The following NEDD9 variants were observed in gnomAD, a reference collection of about 807,000 sequenced individuals.
NEDD9 encodes the protein enhancer of filamentation 1.
Under a neutral mutation model 76.6 loss-of-function variants are expected in NEDD9, and 26 were observed. That is an observed-to-expected ratio of 0.34 (90% CI 0.25 to 0.47). The LOEUF is 0.47. Ranked by LOEUF, NEDD9 falls within the 20% of genes least tolerant of loss-of-function variation. NEDD9 has a pLI of 1.00. For synonymous variants in NEDD9, 392 were observed against 414.2 expected (o/e 0.95, Z 0.65); for missense variants, 937 against 1,058.5 (o/e 0.89, Z 1.59).
intron 1 of NEDD9, among the ~76,000 whole-genome samples, chr6:11,365,467 A>T (rs1762743726): frequency 1.3e-5 from 2 of 152,158 alleles, no homozygotes; most frequent in Non-Finnish European, 2.9e-5. Flanking sequence ...TTCACCCTAC[A>T]CTCCTTGAAA....
chr6:11,377,021 T>C (rs889371943), intron 1 of NEDD9, among the ~76,000 whole-genome samples: 1 of 152,140 alleles, frequency 6.6e-6, no homozygotes, highest in Non-Finnish European at 1.5e-5. Context: ...GATTGCCACA[T>C]GGGGTTAAGT....
intron 1 of NEDD9, among the ~76,000 whole-genome samples, chr6:11,357,909 A>G (rs1173723646): frequency 1.3e-5 from 2 of 152,060 alleles, no homozygotes; most frequent in Admixed American, 1.3e-4. Context: ...CCTTTCTTCC[A>G]CCCAGGCAGT....
intron 3 of NEDD9, among the ~76,000 whole-genome samples, chr6:11,243,351 A>G (rs1759745045): frequency 6.6e-6 from 1 of 151,754 alleles, no homozygotes; most frequent in Non-Finnish European, 1.5e-5. Flanking sequence ...GATGATGATC[A>G]TGATGATAAT....
intron 2 of NEDD9, among the ~76,000 whole-genome samples, chr6:11,331,557 A>G (rs962587558): frequency 2.0e-5 from 3 of 152,180 alleles, no homozygotes; most frequent in Non-Finnish European, 4.4e-5. Flanking sequence ...TTTAAATGTA[A>G]AATGACAGTT....
chr6:11,202,784 A>G (rs1168853512), intron 2 of NEDD9, among the ~76,000 whole-genome samples: 1 of 152,220 alleles, frequency 6.6e-6, no homozygotes, highest in East Asian at 1.9e-4. Flanking sequence ...TTTTTTCCCC[A>G]TGTATTTTTG....
Position 11,185,658 on chromosome 6 carries a change from T to C in NEDD9, c.2009A>G (p.Gln670Arg). ...QLEHHQLSQF[Q>R]LLEQEITKPV... ...CTTTGTAATCTCTTGTTCCAACAGC[T>C]GGAACTGGCTCAGCTGCAAGGAAGA... The change falls in exon 7 of 7, where the codon CAG becomes CGG. Residue 670 changes from glutamine to arginine, a missense_variant. Gln to Arg is a conservative substitution (Grantham distance 43, BLOSUM62 1). Transcript: ENST00000379446. 6.2e-7 allele frequency: 1 copy of C among 1,614,174 alleles called. No individual in the cohort carries two copies. Among genetic ancestry groups the C allele is most frequent in the Non-Finnish European group, 8.5e-7 (1 of 1,180,022 alleles).
intron 1 of NEDD9, among the ~76,000 whole-genome samples, chr6:11,344,163 T>G (rs1762322692): frequency 6.6e-6 from 1 of 152,192 alleles, no homozygotes; most frequent in South Asian, 2.1e-4. Context: ...ACACTTGGGT[T>G]GCATACATCT....
At chr6:11,227,597 C>T (rs1759341974) in intron 1 of NEDD9, among the ~76,000 whole-genome samples, 1 of 152,192 alleles carries the variant, frequency 6.6e-6, no homozygotes, top group African/African-American at 2.4e-5. Context: ...CTCAAAACTT[C>T]ACAGACCCTA....
At chr6:11,202,044 TG>T (rs3834296) in intron 2 of NEDD9, among the ~76,000 whole-genome samples, 41,281 of 152,030 alleles carry the variant, frequency 0.27, 6,696 homozygotes, top group African/African-American at 0.45. Context: ...GAAATAACAA[TG>T]GGTAATTGAT....
At chr6:11,288,196 G>A (rs1221826507) in intron 3 of NEDD9, among the ~76,000 whole-genome samples, 4 of 152,226 alleles carry the variant, frequency 2.6e-5, no homozygotes, top group Non-Finnish European at 5.9e-5. Flanking sequence ...GGCGTATGGC[G>A]TGTGGCCTGG....
chr6:11,263,921 C>T (rs569255754), intron 3 of NEDD9, among the ~76,000 whole-genome samples: 9 of 152,288 alleles, frequency 5.9e-5, no homozygotes, highest in East Asian at 1.9e-4. Context: ...GATATCAGAG[C>T]ATCTCTTAGT....
intron 1 of NEDD9, among the ~76,000 whole-genome samples, chr6:11,344,928 T>C (rs937563689): frequency 1.3e-5 from 2 of 152,224 alleles, no homozygotes; most frequent in African/African-American, 2.4e-5. Context: ...CTCATACTTC[T>C]CATTTCAAGC....
chr6:11,323,797 C>T (rs1386750749), intron 2 of NEDD9, among the ~76,000 whole-genome samples: 2 of 152,254 alleles, frequency 1.3e-5, no homozygotes, highest in Non-Finnish European at 2.9e-5. Context: ...AAGGTCCTGG[C>T]GTCCTGCTCA....
intron 2 of NEDD9, among the ~76,000 whole-genome samples, chr6:11,330,500 G>T (rs911375807): frequency 6.6e-6 from 1 of 152,188 alleles, no homozygotes; most frequent in Non-Finnish European, 1.5e-5. Flanking sequence ...TGGAGACATA[G>T]GCTAGACGTA....
intron 3 of NEDD9, among the ~76,000 whole-genome samples, chr6:11,289,633 A>G (rs1760724080): frequency 6.6e-6 from 1 of 152,020 alleles, no homozygotes; most frequent in African/African-American, 2.4e-5. Context: ...TTGTATTTTT[A>G]GTAGAGACGA....
At chr6:11,301,139 G>T (rs1220819187) in intron 3 of NEDD9, among the ~76,000 whole-genome samples, 2 of 151,998 alleles carry the variant, frequency 1.3e-5, no homozygotes, top group Non-Finnish European at 1.5e-5. Flanking sequence ...GTGCAAAGAC[G>T]CACATAGGCT....
intron 3 of NEDD9, among the ~76,000 whole-genome samples, chr6:11,244,456 C>T (rs1329435688): frequency 6.6e-6 from 1 of 152,134 alleles, no homozygotes; most frequent in African/African-American, 2.4e-5. Context: ...TTCTTTCTCC[C>T]ACCTACTTCC....
intron 2 of NEDD9, among the ~76,000 whole-genome samples, chr6:11,202,970 C>T (rs1413682045): frequency 1.3e-5 from 2 of 152,206 alleles, no homozygotes; most frequent in African/African-American, 2.4e-5. Flanking sequence ...TTTGACACAG[C>T]GTTGGGCAGC....
chr6:11,206,546 T>C (rs947810473), intron 2 of NEDD9, among the ~76,000 whole-genome samples: 3 of 152,234 alleles, frequency 2.0e-5, no homozygotes, highest in African/African-American at 7.2e-5. Flanking sequence ...AAGCAGTCTC[T>C]TACCTCTTCA....
Sources: allele counts gnomAD v4.1 joint callset (sites outside exome capture counted in the v4.1 genomes callset), GRCh38; gene constraint gnomAD v4.1.1; transcripts MANE v1.5; gene names NCBI Gene and HGNC (gene_info 2026-07-23, HGNC 2026-07-21).